The following MCPH1 variants were observed in gnomAD, a reference collection of about 807,000 sequenced individuals.
MCPH1 encodes the protein microcephalin 1.
Under a neutral mutation model 84.5 loss-of-function variants are expected in MCPH1, and 104 were observed. The observed-to-expected ratio is 1.23, with a 90% CI of 1.05 to 1.45. The LOEUF (loss-of-function observed/expected upper bound fraction) is 1.45, where lower values mean the gene tolerates loss of function less well. Ranked by LOEUF, MCPH1 falls within the 40% of genes most tolerant of loss-of-function variation. The pLI, the probability that MCPH1 is intolerant of heterozygous loss-of-function variation, is 0.00. For missense variants in MCPH1, 1,498 were observed against 1,005.7 expected (o/e 1.49, Z -6.62); for synonymous variants, 514 against 366.8 (o/e 1.40, Z -4.58).
intron 8 of MCPH1, among the ~76,000 whole-genome samples, chr8:6,449,198 T>C (rs776911363): frequency 2.6e-5 from 4 of 152,246 alleles, no homozygotes; most frequent in Non-Finnish European, 5.9e-5. Flanking sequence ...AGCATCTTCA[T>C]TGCTTAGAAG....
rs1808153752 is a variant in MCPH1 at position 6,474,324 on chromosome 8, T to G, written c.1936-3270T>G. On this transcript the variant is annotated intron_variant, in intron 9 of 13. Transcript: ENST00000344683. ...TGGTTTTTCCAACCTCTGGTGTACC[T>G]GGCTTTCTATGACACGTTTCTATCA... is the stretch of plus-strand genomic sequence containing the variant. 1.3e-5 allele frequency: 6 copies of G among 454,468 alleles called. No individual in the cohort carries two copies. The South Asian group carries it at 1.4e-4, about 11-fold the overall frequency. 28.2% of individuals were successfully genotyped at this position (454,468 alleles called of 1,614,324 possible).
rs1490630671 is a variant in MCPH1 at position 6,561,093 on chromosome 8, T to C, written c.2215-60361T>C. ...TCAAGTTAAGCAGATATTTAGGATA[T>C]AGTTTGCCTTCCACATATTTCAACC... On this transcript the variant is annotated intron_variant, in intron 12 of 13. Transcript: ENST00000344683. Among the ~76,000 whole-genome samples, 8 of 152,230 alleles carry C rather than the reference T, an allele frequency of 5.3e-5. 1 individual carries two copies. Among genetic ancestry groups the C allele is most frequent in the Non-Finnish European group, 1.2e-4 (8 of 68,046 alleles).
intron 2 of MCPH1, among the ~76,000 whole-genome samples, chr8:6,413,804 G>T: frequency 6.6e-6 from 1 of 151,108 alleles, no homozygotes; most frequent in African/African-American, 2.4e-5. Flanking sequence ...ACCCAGGCTG[G>T]AGTGCAATGG....
intron 3 of MCPH1, among the ~76,000 whole-genome samples, chr8:6,420,198 G>C (rs1356448402): frequency 1.3e-5 from 2 of 152,044 alleles, no homozygotes; most frequent in Non-Finnish European, 1.5e-5. Flanking sequence ...TTCAGAGCCT[G>C]CCTGTCCTAG....
intron 9 of MCPH1, among the ~76,000 whole-genome samples, chr8:6,472,552 G>A (rs554248658): frequency 9.2e-5 from 14 of 152,066 alleles, no homozygotes; most frequent in African/African-American, 2.7e-4. Context: ...TGCAACCTCC[G>A]CCTCCTGGGT....
At chr8:6,544,362 A>G (rs1822155946) in intron 12 of MCPH1, among the ~76,000 whole-genome samples, 1 of 152,244 alleles carries the variant, frequency 6.6e-6, no homozygotes, top group Non-Finnish European at 1.5e-5. Flanking sequence ...ACTGTGCTGG[A>G]AAGAGAGACT....
At chr8:6,581,411 A>C (rs966491705) in intron 12 of MCPH1, among the ~76,000 whole-genome samples, 3 of 152,240 alleles carry the variant, frequency 2.0e-5, no homozygotes, top group Non-Finnish European at 4.4e-5. Flanking sequence ...GTAACTGTGG[A>C]GCCAAGAGAA....
In MCPH1 at chr8:6,645,301, A is replaced by G. The variant is rs540256708; in HGVS notation, c.*2252A>G. On this transcript the variant is annotated 3_prime_UTR_variant, in exon 14 of 14. Coordinates refer to ENST00000344683, the MANE Select transcript of MCPH1 (RefSeq NM_024596.5). ...TTTTATGAGGACTGACTGTTGCTAG[A>G]CATTACACTAAGCACATTATATGTT... 1.3e-5 allele frequency: 2 copies of G among 152,276 alleles called. No individual in the cohort carries two copies. Among genetic ancestry groups the G allele is most frequent in the East Asian group, 3.9e-4 (2 of 5,182 alleles). The allele number at this position is 152,276 out of a possible 1,614,324, so 9.4% of individuals were successfully genotyped here.
chr8:6,470,589 G>T (rs1010355619), intron 9 of MCPH1, among the ~76,000 whole-genome samples: 4 of 152,168 alleles, frequency 2.6e-5, no homozygotes, highest in Non-Finnish European at 5.9e-5. Flanking sequence ...CAGGCTCTGA[G>T]ATCCTCGTAC....
intron 8 of MCPH1, chr8:6,446,995 G>C: frequency 1.0e-6 from 1 of 979,924 alleles, no homozygotes; most frequent in East Asian, 1.1e-4. Flanking sequence ...CAGTGGTGCA[G>C]GCCATCAGGC....
At chr8:6,549,035 C>T (rs1823113347) in intron 12 of MCPH1, among the ~76,000 whole-genome samples, 1 of 152,212 alleles carries the variant, frequency 6.6e-6, no homozygotes, top group Admixed American at 6.5e-5. Context: ...ACCAAGACCA[C>T]TCAGCGTATT....
At chr8:6,466,817 C>T (rs1000500957) in intron 9 of MCPH1, among the ~76,000 whole-genome samples, 12 of 152,088 alleles carry the variant, frequency 7.9e-5, no homozygotes, top group African/African-American at 2.9e-4. Flanking sequence ...CTCAAGTGTT[C>T]CGCCCACCTT....
intron 8 of MCPH1, chr8:6,446,485 AG>A: frequency 1.0e-6 from 1 of 984,966 alleles, no homozygotes; most frequent in Non-Finnish European, 1.2e-6. Context: ...TTTCACAAAA[AG>A]AATGAAAATA....
intron 8 of MCPH1, chr8:6,445,932 T>C: frequency 4.0e-6 from 4 of 988,388 alleles, no homozygotes; most frequent in Non-Finnish European, 3.6e-6. Flanking sequence ...CCTAGGTTCT[T>C]AATAGTGAGG....
chr8:6,538,236 C>T (rs12549309), intron 12 of MCPH1, among the ~76,000 whole-genome samples: 20,227 of 152,042 alleles, frequency 0.13, 1,583 homozygotes, highest in Admixed American at 0.18. Flanking sequence ...CTGTTGCCCA[C>T]TTCTATTTAG....
intron 12 of MCPH1, chr8:6,532,410 AGCCGTCTGGTTCTGTACTGCATTCT>A: frequency 6.2e-7 from 1 of 1,614,040 alleles, no homozygotes; most frequent in Non-Finnish European, 8.5e-7. Flanking sequence ...CTATCATCAC[AGCCGTCTGGTTCTGTACTGCATTCT>A]GCTGTATCTC....
At chr8:6,421,859 G>T (rs917611995) in intron 3 of MCPH1, among the ~76,000 whole-genome samples, 1 of 151,916 alleles carries the variant, frequency 6.6e-6, no homozygotes, top group East Asian at 1.9e-4. Context: ...AAATGCTCTG[G>T]GCTTCCACGT....
intron 6 of MCPH1, among the ~76,000 whole-genome samples, chr8:6,441,335 G>A (rs1016234470): frequency 1.3e-5 from 2 of 152,156 alleles, no homozygotes; most frequent in Non-Finnish European, 2.9e-5. Flanking sequence ...ACTGCGTCCA[G>A]TACAGTTTAA....
intron 12 of MCPH1, among the ~76,000 whole-genome samples, chr8:6,541,603 C>T (rs1010014470): frequency 1.3e-5 from 2 of 152,140 alleles, no homozygotes; most frequent in African/African-American, 4.8e-5. Context: ...TTCTGCCATT[C>T]GTCTATTTTT....
Sources: allele counts gnomAD v4.1 joint callset (sites outside exome capture counted in the v4.1 genomes callset), GRCh38; gene constraint gnomAD v4.1.1; transcripts MANE v1.5; gene names NCBI Gene and HGNC (gene_info 2026-07-23, HGNC 2026-07-21).